The following ERC2 variants were observed in gnomAD, a reference collection of about 807,000 sequenced individuals.
ERC2 encodes the protein ERC protein 2.
ERC2 carries 42 observed loss-of-function variants against 114.8 expected under a neutral mutation model. The ratio of observed to expected loss-of-function variants is 0.37; its 90% CI spans 0.29 to 0.47. ERC2 has a LOEUF of 0.47. ERC2 is among the 20% of genes least tolerant of loss of function. ERC2 has a pLI of 0.99. For synonymous variants in ERC2, 454 were observed against 425.5 expected, an observed-to-expected ratio of 1.07 and a Z score of -0.82; for missense variants, 939 against 1,150.7, an observed-to-expected ratio of 0.82 and a Z score of 2.66.
At chr3:56,031,852 T>C (rs1412493062) in intron 7 of ERC2, among the ~76,000 whole-genome samples, 1 of 152,156 alleles carries the variant, frequency 6.6e-6, no homozygotes, top group Non-Finnish European at 1.5e-5. Flanking sequence ...AAAATTCCAC[T>C]GGGATTTTTG....
intron 14 of ERC2, among the ~76,000 whole-genome samples, chr3:55,795,619 T>G (rs1007969263): frequency 6.6e-6 from 1 of 152,170 alleles, no homozygotes; most frequent in African/African-American, 2.4e-5. Flanking sequence ...TCTCCAAGAA[T>G]AGCTGGGTGG....
chr3:56,193,864 C>T (rs1355682016), intron 3 of ERC2, among the ~76,000 whole-genome samples: 1 of 152,050 alleles, frequency 6.6e-6, no homozygotes, highest in African/African-American at 2.4e-5. Context: ...TGAGTAAAAG[C>T]GTGGCAATAA....
At chr3:55,838,690 A>G (rs1357324280) in intron 14 of ERC2, among the ~76,000 whole-genome samples, 1 of 151,936 alleles carries the variant, frequency 6.6e-6, no homozygotes, top group Non-Finnish European at 1.5e-5. Context: ...TAAGTTGATA[A>G]ATCTCTAGGC....
At chr3:55,594,139 T>A (rs1376713671) in intron 17 of ERC2, among the ~76,000 whole-genome samples, 2 of 152,182 alleles carry the variant, frequency 1.3e-5, no homozygotes, top group Admixed American at 1.3e-4. Context: ...TCCTGTATTG[T>A]CTTCTTTGAG....
chr3:56,134,456 G>T (rs2080378346), intron 6 of ERC2, among the ~76,000 whole-genome samples: 1 of 152,100 alleles, frequency 6.6e-6, no homozygotes, highest in Non-Finnish European at 1.5e-5. Context: ...AGCCCAGAGA[G>T]CAAAGATTAT....
At chr3:56,338,187 G>A (rs993724138) in intron 2 of ERC2, among the ~76,000 whole-genome samples, 3 of 152,338 alleles carry the variant, frequency 2.0e-5, no homozygotes, top group African/African-American at 7.2e-5. Context: ...CAGGAAAGGA[G>A]AACACAGAAG....
chr3:56,119,113 C>A (rs989458918), intron 6 of ERC2, among the ~76,000 whole-genome samples: 1 of 152,174 alleles, frequency 6.6e-6, no homozygotes, highest in Non-Finnish European at 1.5e-5. Flanking sequence ...TCCAATAAAA[C>A]TTTATTTACA....
intron 2 of ERC2, among the ~76,000 whole-genome samples, chr3:56,327,599 C>A (rs968728905): frequency 2.6e-5 from 4 of 152,170 alleles, no homozygotes; most frequent in African/African-American, 9.7e-5. Flanking sequence ...TCGCTTGAAC[C>A]AGGGAGGCGT....
chr3:56,375,429 T>A (rs1220500840), intron 2 of ERC2, among the ~76,000 whole-genome samples: 5 of 152,154 alleles, frequency 3.3e-5, no homozygotes, highest in Non-Finnish European at 5.9e-5. Context: ...GAAGAGAGAA[T>A]TTTTGTTGAG....
intron 7 of ERC2, among the ~76,000 whole-genome samples, chr3:56,077,344 G>A (rs10510780): frequency 0.13 from 20,323 of 152,072 alleles, 1,454 homozygotes; most frequent in East Asian, 0.15. Context: ...ACCTGAAGCT[G>A]AGCAACCTCT....
At position 56,033,818 on chromosome 3, in the gene ERC2, C is replaced by T. The variant is rs535000852; in HGVS notation, c.1642-14787G>A. Among the ~76,000 whole-genome samples, 8 of 152,064 alleles carry T rather than the reference C, an allele frequency of 5.3e-5. No homozygotes were observed. In the East Asian group the frequency reaches 1.4e-3, roughly 26 times the overall value. Reference sequence around the variant, plus strand: ...TTTTTTTCTTTTTTCTTTTCAAAGGCAGGGTCTTGCTCTGCCACCCAGGTT... The same window carrying T: ...TTTTTTTCTTTTTTCTTTTCAAAGGTAGGGTCTTGCTCTGCCACCCAGGTT... On this transcript the variant is annotated intron_variant, in intron 7 of 17. Coordinates refer to ENST00000288221, the MANE Select transcript of ERC2 (RefSeq NM_015576.3).
chr3:55,726,108 A>T (rs78381297), intron 15 of ERC2, among the ~76,000 whole-genome samples: 2,725 of 152,342 alleles, frequency 0.018, 35 homozygotes, highest in Middle Eastern at 0.031. Context: ...TGAAGTCAAA[A>T]ATAAATAGAG....
At chr3:56,433,020 T>A (rs1275882353) in intron 2 of ERC2, among the ~76,000 whole-genome samples, 1 of 151,574 alleles carries the variant, frequency 6.6e-6, no homozygotes, top group Non-Finnish European at 1.5e-5. Flanking sequence ...CAAAAAAAAA[T>A]AATTTTAATC....
At chr3:56,299,899 T>G (rs2150366083) in intron 2 of ERC2, among the ~76,000 whole-genome samples, 1 of 152,322 alleles carries the variant, frequency 6.6e-6, no homozygotes, top group East Asian at 1.9e-4. Flanking sequence ...TTAAGATTCG[T>G]AAACCAGCCA....
chr3:56,467,481 C>T (rs931527233), intron 1 of ERC2, among the ~76,000 whole-genome samples: 2 of 152,142 alleles, frequency 1.3e-5, no homozygotes, highest in African/African-American at 4.8e-5. Flanking sequence ...TTTACGAGCG[C>T]TATTTTATTA....
At chr3:55,630,775 CT>C (rs1179150715) in intron 17 of ERC2, among the ~76,000 whole-genome samples, 2 of 152,098 alleles carry the variant, frequency 1.3e-5, no homozygotes, top group East Asian at 1.9e-4. Flanking sequence ...AGATTTTTTT[CT>C]TTTTTTCCTG....
At chr3:56,392,451 A>G (rs1234373414) in intron 2 of ERC2, among the ~76,000 whole-genome samples, 3 of 152,164 alleles carry the variant, frequency 2.0e-5, no homozygotes, top group Admixed American at 2.0e-4. Flanking sequence ...GGGCATGTGC[A>G]CGGTGACTCA....
Position 56,069,800 on chromosome 3 carries a change from A to G in ERC2, c.1641+11017T>C, listed in dbSNP as rs188558490. 6.6e-5 allele frequency among the ~76,000 whole-genome samples: 10 copies of G among 152,362 alleles called. No homozygotes were observed. In the East Asian group the frequency reaches 1.9e-3, roughly 29 times the overall value. ...GGAGGTATGATAAAAATGTTATGAC[A>G]AAGGCTCCAAATTGCCATATAGTTT... On this transcript the variant is annotated intron_variant, in intron 7 of 17. Transcript: ENST00000288221.
At chr3:56,435,273 TAGAA>T (rs1383080252) in intron 1 of ERC2, 126 bp from the exon 2 acceptor site, 6 of 302,164 alleles carry the variant, frequency 2.0e-5, no homozygotes, top group Non-Finnish European at 3.0e-5. Flanking sequence ...AATAGACAGA[TAGAA>T]AGAGCCACAC....
Sources: gnomAD v4.1 joint callset for allele counts (sites outside exome capture counted in the v4.1 genomes callset) on GRCh38, gnomAD v4.1.1 for gene constraint, MANE v1.5 for transcripts, NCBI Gene and HGNC (gene_info 2026-07-23, HGNC 2026-07-21) for gene names.